CDK12: variants seen among roughly 807,000 people sequenced by gnomAD.
CDK12 encodes cyclin-dependent kinase 12.
A neutral mutation model predicts 133.8 loss-of-function variants in CDK12; 17 were observed. That is an observed-to-expected ratio of 0.13 (90% CI 0.09 to 0.19). The LOEUF is 0.19. Ranked by LOEUF, CDK12 falls within the 10% of genes least tolerant of loss-of-function variation. The pLI is 1.00. For missense variants in CDK12, 1,508 were observed against 1,818.7 expected, an observed-to-expected ratio of 0.83 and a Z score of 3.11; for synonymous variants, 694 against 683.6, an observed-to-expected ratio of 1.02 and a Z score of -0.24.
Position 39,532,835 on chromosome 17 carries a change from G to T in CDK12, c.*1519G>T, listed in dbSNP as rs1485894849. 4 of 232,830 alleles carry T rather than the reference G, an allele frequency of 1.7e-5. No homozygotes were observed. The East Asian group carries it at 2.4e-4, about 14-fold the overall frequency. 14.4% of individuals were successfully genotyped at this position (232,830 alleles called of 1,614,324 possible). A position where few individuals can be genotyped will look rare whatever the true frequency, so the allele number is the denominator to read the frequency against. On this transcript the variant is annotated 3_prime_UTR_variant, in exon 14 of 14. Transcript: ENST00000447079. ...ATAATTTGGGAGGCTTCTCATTCTG[G>T]CTTCTATTTCTATGTGAGTACCAGC...
At chr17:39,540,912 T>C (rs2055378759) in intron 1 of CDK12, among the ~76,000 whole-genome samples, 1 of 152,210 alleles carries the variant, frequency 6.6e-6, no homozygotes, top group African/African-American at 2.4e-5. Flanking sequence ...CGGGAGCCCT[T>C]AGCTTCTGAT....
At chr17:39,505,503 G>GCC (rs1160849908) in intron 6 of CDK12, among the ~76,000 whole-genome samples, 2 of 117,914 alleles carry the variant, frequency 1.7e-5, no homozygotes, top group Non-Finnish European at 3.2e-5. Context: ...CCAGCCTGGT[G>GCC]ACAGAGCGAG....
rs780413687 is a variant in CDK12, at chr17:39,462,161, TAAC to T, written c.92_94del (p.Asn31del). On this transcript the variant is annotated inframe_deletion, in exon 1 of 14. Coordinates refer to ENST00000447079, the MANE Select transcript of CDK12 (RefSeq NM_016507.4). The stretch of plus-strand genomic sequence containing the variant: ...AGCCGTCATCGGGAGGCGGCAGCTC[TAAC>T]AGCAGAGAGCGTCACCGCTTGGTAT... 40 of 1,614,086 alleles carry T rather than the reference TAAC, an allele frequency of 2.5e-5. No homozygotes were observed. Among genetic ancestry groups the T allele is most frequent in the Non-Finnish European group, 3.3e-5 (39 of 1,180,022 alleles).
chr17:39,552,362 C>T (rs972245409), intron 2 of CDK12, among the ~76,000 whole-genome samples: 7 of 152,128 alleles, frequency 4.6e-5, no homozygotes, highest in African/African-American at 9.7e-5. Context: ...AGGCAGAGGG[C>T]GAAGTTTGGG....
chr17:39,471,896 T>A, intron 2 of CDK12, 133 bp downstream of exon 2: 1 of 812,536 alleles, frequency 1.2e-6, no homozygotes, highest in Non-Finnish European at 1.9e-6. Flanking sequence ...TGGGAAAGTC[T>A]GTAATTATGA....
rs1214037276 is a variant in CDK12 at position 39,471,726 on chromosome 17, C to T, written c.1894C>T (p.Leu632Phe). ...LKTSTLPPLP[L>F]PPLLPGDDDM... ...AACTTCAACGTTGCCTCCTTTGCCC[C>T]TCCCACCCTTATTACCTGGAGATGA... is the stretch of plus-strand genomic sequence containing the variant. Residue 632 changes from leucine to phenylalanine, a missense_variant, in exon 2 of 14, where the codon CTC becomes TTC. By Grantham distance (22) the Leu-to-Phe change is conservative. Coordinates refer to ENST00000447079, the MANE Select transcript of CDK12 (RefSeq NM_016507.4). 6.2e-7 allele frequency: 1 copy of T among 1,613,802 alleles called. No individual in the cohort carries two copies. The highest frequency in any genetic ancestry group is 1.1e-5 in the South Asian group (1 of 91,024).
At chr17:39,538,082 AT>A (rs2055224516), downstream of CDK12, among the ~76,000 whole-genome samples, 1 of 152,190 alleles carries the variant, frequency 6.6e-6, no homozygotes, top group Admixed American at 6.5e-5. Flanking sequence ...CTATGAAGAC[AT>A]TTTCTGTAGG....
intron 3 of CDK12, among the ~76,000 whole-genome samples, chr17:39,563,440 T>C (rs2056454800): frequency 6.9e-6 from 1 of 144,612 alleles, no homozygotes; most frequent in African/African-American, 2.5e-5. Flanking sequence ...TGTGTCATTT[T>C]CTCTCTTCTT....
chr17:39,558,332 G>A (rs1335549508), intron 3 of CDK12, among the ~76,000 whole-genome samples: 1 of 152,162 alleles, frequency 6.6e-6, no homozygotes, highest in Non-Finnish European at 1.5e-5. Context: ...AGGGGGGAGA[G>A]ATAGTCATTA....
chr17:39,485,458 G>A (rs2051048629), intron 2 of CDK12, among the ~76,000 whole-genome samples: 1 of 144,470 alleles, frequency 6.9e-6, no homozygotes, highest in Admixed American at 7.1e-5. Context: ...TCTGTCGCCA[G>A]GCTGGAGTGC....
intron 1 of CDK12, among the ~76,000 whole-genome samples, chr17:39,541,775 G>A (rs956689765): frequency 1.3e-5 from 2 of 152,210 alleles, no homozygotes; most frequent in Non-Finnish European, 2.9e-5. Flanking sequence ...GAGAGAAGCT[G>A]TAAAGGGCAG....
At chr17:39,540,763 G>A (rs2055369083) in intron 1 of CDK12, among the ~76,000 whole-genome samples, 1 of 151,994 alleles carries the variant, frequency 6.6e-6, no homozygotes, top group African/African-American at 2.4e-5. Context: ...GTCGGCGGGG[G>A]ACTCTTTAGT....
chr17:39,566,485 C>T (rs184000930), downstream of CDK12, among the ~76,000 whole-genome samples: 47 of 152,166 alleles, frequency 3.1e-4, no homozygotes, highest in East Asian at 5.4e-3. Context: ...GCAGCCCTAC[C>T]GACACCCCAC....
intron 1 of CDK12, among the ~76,000 whole-genome samples, chr17:39,465,144 G>A (rs568986840): frequency 1.5e-3 from 229 of 151,676 alleles, no homozygotes; most frequent in Admixed American, 3.3e-3. Flanking sequence ...TACTCGGAAG[G>A]CTGAGGCAGG....
chr17:39,485,563 C>T (rs1446023719), intron 2 of CDK12, among the ~76,000 whole-genome samples: 3 of 151,876 alleles, frequency 2.0e-5, no homozygotes, highest in African/African-American at 7.3e-5. Context: ...CAGGCGGGTG[C>T]CACCACGCCT....
intron 2 of CDK12, among the ~76,000 whole-genome samples, chr17:39,482,625 CA>C (rs2050809397): frequency 4.6e-5 from 1 of 21,864 alleles, no homozygotes; most frequent in African/African-American, 6.8e-5. Flanking sequence ...TTTTTTGAGG[CA>C]GAGTGTCTCT....
intron 7 of CDK12, 95 bp from the exon 8 acceptor site, chr17:39,511,434 C>A: frequency 1.3e-6 from 1 of 771,158 alleles, no homozygotes; most frequent in Non-Finnish European, 2.2e-6. Flanking sequence ...GTCTCATCTT[C>A]ATTTGGCACC....
chr17:39,478,536 T>C (rs1203425902), intron 2 of CDK12, among the ~76,000 whole-genome samples: 1 of 152,100 alleles, frequency 6.6e-6, no homozygotes, highest in African/African-American at 2.4e-5. Flanking sequence ...AAATAAATTA[T>C]TAAAGGTAGA....
upstream of CDK12, among the ~76,000 whole-genome samples, chr17:39,543,412 C>T (rs1430134218): frequency 1.3e-5 from 2 of 152,180 alleles, no homozygotes; most frequent in Non-Finnish European, 2.9e-5. Context: ...TCTACAGTCC[C>T]TTCCAGTGTT....
Sources: gnomAD v4.1 joint callset for allele counts (sites outside exome capture counted in the v4.1 genomes callset) on GRCh38, gnomAD v4.1.1 for gene constraint, MANE v1.5 for transcripts, NCBI Gene and HGNC (gene_info 2026-07-23, HGNC 2026-07-21) for gene names.